URI1: variants seen among roughly 807,000 people sequenced by gnomAD.
The protein encoded by URI1 is unconventional prefoldin RPB5 interactor 1.
A neutral mutation model predicts 60.2 loss-of-function variants in URI1; 39 were observed. The observed-to-expected ratio is 0.65, with a 90% CI of 0.50 to 0.85. The LOEUF (loss-of-function observed/expected upper bound fraction) is 0.85, where lower values mean the gene tolerates loss of function less well. Ranked by LOEUF, URI1 falls within the 40% of genes least tolerant of loss-of-function variation. The probability of loss-of-function intolerance (pLI) is 0.00; values close to 1 mark genes in which losing one functional copy is unlikely to be tolerated. For synonymous variants in URI1, 251 were observed against 236.8 expected (o/e 1.06, Z -0.55); for missense variants, 691 against 665.9 (o/e 1.04, Z -0.42).
chr19:29,997,736 G>A (rs1249529199), intron 4 of URI1, among the ~76,000 whole-genome samples: 1 of 151,712 alleles, frequency 6.6e-6, no homozygotes, highest in Non-Finnish European at 1.5e-5. Context: ...TTTTCGTTGA[G>A]TTTTCATTTT....
At chr19:29,970,128 ATTTTTT>A (rs199739403) in intron 1 of URI1, among the ~76,000 whole-genome samples, 3 of 74,564 alleles carry the variant, frequency 4.0e-5, no homozygotes, top group Non-Finnish European at 5.9e-5. Flanking sequence ...AATCGTGTGT[ATTTTTT>A]TTTTTTTTTT....
chr19:29,992,792 A>G (rs193026525), intron 4 of URI1, among the ~76,000 whole-genome samples: 6 of 152,340 alleles, frequency 3.9e-5, no homozygotes, highest in African/African-American at 1.4e-4. Context: ...TCTACAGTAT[A>G]GACAAGTTTT....
intron 3 of URI1, 29 bp from the exon 4 acceptor site, chr19:29,986,253 T>G: frequency 6.5e-7 from 1 of 1,534,832 alleles, no homozygotes; most frequent in Non-Finnish European, 8.7e-7. Flanking sequence ...TTATGTTTTT[T>G]CCCTTTTTTC....
chr19:29,986,947 T>C (rs1267963590), intron 4 of URI1, among the ~76,000 whole-genome samples: 2 of 152,174 alleles, frequency 1.3e-5, no homozygotes, highest in Admixed American at 6.5e-5. Context: ...CTTATCCTTT[T>C]TCAGTTGTTT....
intron 1 of URI1, among the ~76,000 whole-genome samples, chr19:29,970,126 G>GTTTTT (rs1423502604): frequency 2.0e-5 from 2 of 98,264 alleles, no homozygotes; most frequent in African/African-American, 4.2e-5. Flanking sequence ...AAAATCGTGT[G>GTTTTT]TATTTTTTTT....
chr19:29,993,165 G>T lies in URI1; in HGVS notation c.367+6748G>T, dbSNP rs372709934. ...ATTAAATGGAAGAGTGGACATGAAGGGATAAGAGCATGAACTAGGGGTAAT... is the reference window on the plus strand; with the variant it reads ...ATTAAATGGAAGAGTGGACATGAAGTGATAAGAGCATGAACTAGGGGTAAT... On this transcript the variant is annotated intron_variant, in intron 4 of 10. Coordinates refer to ENST00000392271, the MANE Select transcript of URI1 (RefSeq NM_003796.3). Among the ~76,000 whole-genome samples the T allele has an allele frequency of 1.8e-4, 27 of 152,194 alleles. No individual in the cohort carries two copies. In the East Asian group the frequency reaches 3.5e-3, roughly 20 times the overall value.
chr19:29,942,865 G>T (rs1436085716), intron 1 of URI1, among the ~76,000 whole-genome samples: 2 of 152,258 alleles, frequency 1.3e-5, no homozygotes, highest in African/African-American at 4.8e-5. Flanking sequence ...CAGCCCGTTC[G>T]CCTGCCCAGG....
intron 4 of URI1, among the ~76,000 whole-genome samples, chr19:29,992,003 T>C (rs1236237989): frequency 1.3e-5 from 2 of 152,158 alleles, no homozygotes; most frequent in Non-Finnish European, 2.9e-5. Flanking sequence ...TTGTTTAATA[T>C]TTGCATGGCG....
intron 4 of URI1, among the ~76,000 whole-genome samples, chr19:30,000,871 C>T (rs2055869559): frequency 1.3e-5 from 2 of 151,738 alleles, no homozygotes; most frequent in Admixed American, 1.3e-4. Flanking sequence ...TTCTTGTTGC[C>T]TATTTGTTTG....
At position 29,987,890 on chromosome 19, in the gene URI1, G is replaced by A. The variant is rs150394702; in HGVS notation, c.367+1473G>A. On this transcript the variant is annotated intron_variant, in intron 4 of 10. Coordinates refer to ENST00000392271, the MANE Select transcript of URI1 (RefSeq NM_003796.3). The stretch of plus-strand genomic sequence containing the variant: ...TTCCTGTTACAATAAATTCTGGGCC[G>A]GGCGCAGGGGCTCATGCCTGTAATC... 3.8e-3 allele frequency among the ~76,000 whole-genome samples: 576 copies of A among 152,104 alleles called. 3 individuals are homozygous for A. Among genetic ancestry groups the A allele is most frequent in the African/African-American group, 0.013 (537 of 41,518 alleles).
At chr19:29,979,714 CATAAA>C (rs1442398705) in intron 2 of URI1, among the ~76,000 whole-genome samples, 5 of 151,996 alleles carry the variant, frequency 3.3e-5, no homozygotes, top group African/African-American at 1.2e-4. Flanking sequence ...CTGATGGACT[CATAAA>C]ATATAAAGAA....
At chr19:30,012,611 A>C in intron 10 of URI1, 80 bp downstream of exon 10, 3 of 1,499,186 alleles carry the variant, frequency 2.0e-6, no homozygotes, top group Non-Finnish European at 1.8e-6. Context: ...AAAAGTCATA[A>C]GATTAAATTA....
intron 4 of URI1, among the ~76,000 whole-genome samples, chr19:29,998,714 C>T (rs1221926151): frequency 6.6e-6 from 1 of 152,036 alleles, no homozygotes; most frequent in Non-Finnish European, 1.5e-5. Flanking sequence ...ACAAGTGAGT[C>T]TCTTATAGAC....
At chr19:29,951,321 C>G (rs1389548861) in intron 1 of URI1, among the ~76,000 whole-genome samples, 2 of 152,122 alleles carry the variant, frequency 1.3e-5, no homozygotes, top group Non-Finnish European at 2.9e-5. Context: ...TGATCCTTGC[C>G]TAAATCAGTT....
chr19:29,970,787 A>AT (rs1158535664), intron 1 of URI1, among the ~76,000 whole-genome samples: 1 of 151,894 alleles, frequency 6.6e-6, no homozygotes, highest in Non-Finnish European at 1.5e-5. Context: ...CACTACAGTC[A>AT]TTTTTTTTAA....
chr19:30,008,904 A>T, intron 7 of URI1, 101 bp from the exon 8 acceptor site: 1 of 927,888 alleles, frequency 1.1e-6, no homozygotes. Context: ...AAAATACTTT[A>T]TTCAAGATCT....
At chr19:29,941,478 G>A (rs566022256), upstream of URI1, among the ~76,000 whole-genome samples, 4 of 152,184 alleles carry the variant, frequency 2.6e-5, no homozygotes, top group South Asian at 8.3e-4. Context: ...AAAATTAACA[G>A]GATGTGTTGG....
In URI1 at chr19:29,977,669, G is replaced by A. The variant is rs573717089; in HGVS notation, c.152+6442G>A. Among the ~76,000 whole-genome samples the A allele has an allele frequency of 1.4e-3, 214 of 149,354 alleles. No individual in the cohort carries two copies. The Middle Eastern group carries it at 0.017, about 12-fold the overall frequency. On this transcript the variant is annotated intron_variant, in intron 2 of 10. Transcript: ENST00000392271. Reference sequence around the variant, plus strand: ...TCTGTAGTTGTTTATGAAAGTCTTAGGGATAAGGGGGAAGAATCATATATG... The same window carrying A: ...TCTGTAGTTGTTTATGAAAGTCTTAAGGATAAGGGGGAAGAATCATATATG...
chr19:29,949,887 G>C (rs929637589), intron 1 of URI1, among the ~76,000 whole-genome samples: 1 of 151,956 alleles, frequency 6.6e-6, no homozygotes, highest in Non-Finnish European at 1.5e-5. Context: ...CTTGGCATCA[G>C]AGGGAGACCA....
Sources: allele counts gnomAD v4.1 joint callset (sites outside exome capture counted in the v4.1 genomes callset), GRCh38; gene constraint gnomAD v4.1.1; transcripts MANE v1.5; gene names NCBI Gene and HGNC (gene_info 2026-07-23, HGNC 2026-07-21).